Variants in HYDIN observed in about 807,000 individuals in gnomAD.
The protein encoded by HYDIN is HYDIN axonemal central pair apparatus protein, also known as axonemal central pair apparatus protein HYDIN.
HYDIN carries 132 observed loss-of-function variants against 403.9 expected under a neutral mutation model. That is an observed-to-expected ratio of 0.33 (90% CI 0.28 to 0.38). The LOEUF is 0.38. HYDIN is among the 10% of genes least tolerant of loss of function. The pLI is 1.00. For missense variants in HYDIN, 2,827 were observed against 5,009.5 expected (o/e 0.56, Z 13.15); for synonymous variants, 1,202 against 1,891.7 (o/e 0.64, Z 9.46).
chr16:70,878,716 T>C (rs1218352712), intron 62 of HYDIN, among the ~76,000 whole-genome samples: 1 of 143,864 alleles, frequency 7.0e-6, no homozygotes, highest in Non-Finnish European at 1.5e-5. Flanking sequence ...TTGCATGGAC[T>C]GCCAAATGCC....
At chr16:70,943,408 T>C (rs1015284688) in intron 42 of HYDIN, among the ~76,000 whole-genome samples, 1 of 152,170 alleles carries the variant, frequency 6.6e-6, no homozygotes, top group Admixed American at 6.5e-5. Flanking sequence ...TTTCTAAATA[T>C]TTATATAGAA....
At position 70,807,772 on chromosome 16, in the gene HYDIN, G is replaced by A. The variant is rs1168390288; in HGVS notation, c.15174C>T (p.Asn5058=). 1.2e-6 allele frequency: 2 copies of A among 1,614,062 alleles called. No homozygotes were observed. Among genetic ancestry groups the A allele is most frequent in the African/African-American group, 1.3e-5 (1 of 74,914 alleles). ...CTCCAGCGCGAATGGTGAAGGCTGG[G>A]TTATCCACGATGATGGAGAAGGTCA... is the stretch of plus-strand genomic sequence containing the variant. ...HMVTFSIIVD[N]PAFTIRAGES... The change falls in exon 86 of 86, where the codon AAC becomes AAT. Residue 5058 remains asparagine, a synonymous_variant. Coordinates refer to ENST00000393567, the MANE Select transcript of HYDIN (RefSeq NM_001270974.2).
intron 10 of HYDIN, among the ~76,000 whole-genome samples, chr16:71,102,219 GAC>G (rs2083477079): frequency 6.6e-6 from 1 of 151,802 alleles, no homozygotes; most frequent in African/African-American, 2.4e-5. Context: ...GAAACAGAAG[GAC>G]ACAGATATTC....
intron 25 of HYDIN, among the ~76,000 whole-genome samples, chr16:70,990,208 C>A (rs1187979651): frequency 6.6e-6 from 1 of 151,110 alleles, no homozygotes; most frequent in African/African-American, 2.4e-5. Context: ...CCACCCCGGG[C>A]AACATGGTGA....
chr16:70,843,066 T>A (rs1323243576), intron 75 of HYDIN, among the ~76,000 whole-genome samples: 4 of 151,530 alleles, frequency 2.6e-5, no homozygotes, highest in African/African-American at 7.3e-5. Flanking sequence ...TTATACTTTA[T>A]GTTTTAGGGT....
At chr16:70,863,540 A>C (rs2039541991) in intron 67 of HYDIN, among the ~76,000 whole-genome samples, 1 of 152,110 alleles carries the variant, frequency 6.6e-6, no homozygotes, top group Admixed American at 6.6e-5. Flanking sequence ...CCTCAGGAAC[A>C]AATTCTACAG....
intron 1 of HYDIN, among the ~76,000 whole-genome samples, chr16:71,210,670 T>A (rs2088539727): frequency 6.6e-6 from 1 of 152,108 alleles, no homozygotes; most frequent in Non-Finnish European, 1.5e-5. Context: ...AGTTAAGATA[T>A]TTAAAAAAAC....
At chr16:70,822,332 A>G (rs1323799243) in intron 83 of HYDIN, among the ~76,000 whole-genome samples, 2 of 152,108 alleles carry the variant, frequency 1.3e-5, no homozygotes, top group Admixed American at 1.3e-4. Context: ...TTAGAGGTGG[A>G]GCTTGAAGAT....
At chr16:71,229,094 G>A (rs2041166402) in intron 1 of HYDIN, among the ~76,000 whole-genome samples, 1 of 147,084 alleles carries the variant, frequency 6.8e-6, no homozygotes, top group Non-Finnish European at 1.5e-5. Context: ...CTCATAGGTG[G>A]GCAACGAACA....
Position 70,832,886 on chromosome 16 carries a change from G to A in HYDIN, c.13861C>T (p.Leu4621=), listed in dbSNP as rs1187036984. The change falls in exon 80 of 86, where the codon CTG becomes TTG. Residue 4621 remains leucine (L), a synonymous_variant. Transcript: ENST00000393567. The part of the protein sequence containing the change: ...IQGGSPLSLT[L]SGVCVGPPAV... ...GGTGGTCCCACGCAGACTCCAGACA[G>A]GGTTAGACTCAGAGGACTGCCTCCC... is the stretch of plus-strand genomic sequence containing the variant. The A allele has an allele frequency of 1.2e-6, 2 of 1,613,802 alleles. No individual in the cohort carries two copies. The highest frequency in any genetic ancestry group is 1.7e-6 in the Non-Finnish European group (2 of 1,179,868).
At chr16:71,178,157 C>T (rs528656700) in intron 4 of HYDIN, among the ~76,000 whole-genome samples, 6 of 152,224 alleles carry the variant, frequency 3.9e-5, no homozygotes, top group Non-Finnish European at 8.8e-5. Context: ...CGGTGGCTCA[C>T]GCCTATAATC....
At chr16:71,205,350 G>A (rs1219444320) in intron 1 of HYDIN, among the ~76,000 whole-genome samples, 1 of 152,218 alleles carries the variant, frequency 6.6e-6, no homozygotes, top group African/African-American at 2.4e-5. Flanking sequence ...ACACGGGAAA[G>A]GGGAAGTGAG....
chr16:70,860,216 G>A lies in HYDIN; in HGVS notation c.11991-10C>T, dbSNP rs2039320571. The A allele has an allele frequency of 6.2e-7, 1 of 1,609,970 alleles. No homozygotes were observed. The highest frequency in any genetic ancestry group is 1.1e-5 in the South Asian group (1 of 90,212). ...TAGGATGGTAAAGGTCCTGGCCAGG[G>A]TGGAGAGAATTGACAGAAGAGAGTG... On this transcript the variant is annotated splice_polypyrimidine_tract_variant and intron_variant, in intron 70 of 85. Transcript: ENST00000393567.
At position 70,806,143 on chromosome 16, in the gene HYDIN, A is replaced by G. The variant is rs1204044796; in HGVS notation, c.*1437T>C. Among the ~76,000 whole-genome samples, 1 of 152,236 alleles carries G rather than the reference A, an allele frequency of 6.6e-6. No individual in the cohort carries two copies. Among genetic ancestry groups the G allele is most frequent in the Non-Finnish European group, 1.5e-5 (1 of 68,044 alleles). ...TGGGTAGTGATGCTGGCATATTATT[A>G]TAATTATTACATTTTATTATTATTA... On this transcript the variant is annotated 3_prime_UTR_variant, in exon 86 of 86. Coordinates refer to ENST00000393567, the MANE Select transcript of HYDIN (RefSeq NM_001270974.2).
intron 27 of HYDIN, among the ~76,000 whole-genome samples, chr16:70,986,169 G>A (rs1175320028): frequency 7.5e-6 from 1 of 133,314 alleles, no homozygotes; most frequent in Non-Finnish European, 1.6e-5. Flanking sequence ...TGTCCTGTAA[G>A]AAAAACAAAA....
intron 1 of HYDIN, among the ~76,000 whole-genome samples, chr16:71,193,967 A>G (rs1567435565): frequency 6.6e-6 from 1 of 152,208 alleles, no homozygotes; most frequent in Non-Finnish European, 1.5e-5. Context: ...TACCCAATAC[A>G]CAACATGTAA....
rs781658714 is a variant in HYDIN, at chr16:70,832,871, C to T, written c.13876G>A (p.Val4626Met). ...ACCTCTTTTACCGCAGGTGGTCCCA[C>T]GCAGACTCCAGACAGGGTTAGACTC... Reference protein sequence around the residue: ...PLSLTLSGVCVGPPAVKEVVN... With the variant: ...PLSLTLSGVCMGPPAVKEVVN... Residue 4626 changes from valine (V) to methionine (M), a missense_variant, in exon 80 of 86, where the codon GTG becomes ATG. Coordinates refer to ENST00000393567, the MANE Select transcript of HYDIN (RefSeq NM_001270974.2). 6.8e-5 allele frequency: 109 copies of T among 1,613,588 alleles called. No homozygotes were observed. The highest frequency in any genetic ancestry group is 1.7e-4 in the Middle Eastern group (1 of 6,056).
intron 10 of HYDIN, among the ~76,000 whole-genome samples, chr16:71,108,821 C>T (rs2083712194): frequency 6.6e-6 from 1 of 150,718 alleles, no homozygotes; most frequent in Admixed American, 6.6e-5. Flanking sequence ...TCCTGGAGAC[C>T]CTGGGGTAGG....
intron 18 of HYDIN, among the ~76,000 whole-genome samples, chr16:71,032,456 C>T (rs1305377128): frequency 2.0e-5 from 3 of 151,548 alleles, no homozygotes; most frequent in Non-Finnish European, 4.4e-5. Flanking sequence ...TAATAATTAG[C>T]CTCATCAGAA....
Sources: allele counts gnomAD v4.1 joint callset (sites outside exome capture counted in the v4.1 genomes callset), GRCh38; gene constraint gnomAD v4.1.1; transcripts MANE v1.5; gene names NCBI Gene and HGNC (gene_info 2026-07-23, HGNC 2026-07-21).